Variants in MSH4 observed in about 807,000 individuals in gnomAD.
The protein encoded by MSH4 is mutS homolog 4.
A neutral mutation model predicts 113.7 loss-of-function variants in MSH4; 106 were observed. The observed-to-expected ratio is 0.93, with a 90% CI of 0.80 to 1.10. The LOEUF (loss-of-function observed/expected upper bound fraction) is 1.10. Ranked by LOEUF, MSH4 falls within the 50% of genes least tolerant of loss-of-function variation. The probability of loss-of-function intolerance (pLI) is 0.00; values close to 1 mark genes in which losing one functional copy is unlikely to be tolerated. For synonymous variants in MSH4, 368 were observed against 380.2 expected (o/e 0.97, Z 0.37); for missense variants, 1,061 against 1,093.7 (o/e 0.97, Z 0.42).
At chr1:75,819,005 A>T (rs1650350450) in intron 6 of MSH4, among the ~76,000 whole-genome samples, 2 of 151,800 alleles carry the variant, frequency 1.3e-5, no homozygotes, top group South Asian at 4.2e-4. Flanking sequence ...TGACCTCATG[A>T]TCCACCCGCC....
At position 75,866,677 on chromosome 1, in the gene MSH4, G is replaced by A. The variant is rs142404811; in HGVS notation, c.1231-837G>A. Among the ~76,000 whole-genome samples the A allele has an allele frequency of 2.9e-3, 439 of 151,980 alleles. 5 individuals are homozygous for A. Among genetic ancestry groups the A allele is most frequent in the African/African-American group, 0.01 (424 of 41,460 alleles). ...ATTGTGCAGTGGGGCTATAGACCAC[G>A]GTACCTCAAAAAGAAACATCTGGCT... is the stretch of plus-strand genomic sequence containing the variant. On this transcript the variant is annotated intron_variant, in intron 8 of 19. Transcript: ENST00000263187.
At position 75,882,603 on chromosome 1, in the gene MSH4, C is replaced by T. The variant is rs574194743; in HGVS notation, c.1907-1018C>T. ...TATTTGATTTTATTCTATAATCATA[C>T]CTCAACTTATGAGCTAGGTGTTTGA... On this transcript the variant is annotated intron_variant, in intron 14 of 19. Transcript: ENST00000263187. Among the ~76,000 whole-genome samples the T allele has an allele frequency of 2.1e-4, 32 of 149,638 alleles. 1 individual carries two copies. The South Asian group carries it at 6.5e-3, about 31-fold the overall frequency.
intron 19 of MSH4, among the ~76,000 whole-genome samples, chr1:75,907,775 G>A (rs1304798350): frequency 3.8e-5 from 5 of 133,326 alleles, no homozygotes; most frequent in Admixed American, 1.6e-4. Flanking sequence ...TTTTCCCTCT[G>A]ACTATATCTT....
intron 7 of MSH4, among the ~76,000 whole-genome samples, chr1:75,837,916 C>T (rs942739429): frequency 6.6e-6 from 1 of 152,160 alleles, no homozygotes; most frequent in Non-Finnish European, 1.5e-5. Context: ...CATCTCATTT[C>T]TTATAAGAGC....
chr1:75,896,346 AACACACACACACACACACACAC>A lies in MSH4; in HGVS notation c.2356-1534_2356-1513del, dbSNP rs4035039. On this transcript the variant is annotated intron_variant, in intron 17 of 19. Transcript: ENST00000263187. ...ATAATAAATCTCTTTACACACATAC[AACACACACACACACACACACAC>A]ACACACACACACACACACACACACA... Among the ~76,000 whole-genome samples the A allele has an allele frequency of 8.2e-3, 1,128 of 137,284 alleles. 11 individuals carry two copies. The highest frequency in any genetic ancestry group is 0.028 in the African/African-American group (1,062 of 37,960). The allele number at this position is 137,284 out of a possible 152,430, so 90.1% of individuals were successfully genotyped here.
chr1:75,899,369 G>A (rs1472635601), intron 18 of MSH4, among the ~76,000 whole-genome samples: 1 of 152,010 alleles, frequency 6.6e-6, no homozygotes, highest in Non-Finnish European at 1.5e-5. Flanking sequence ...TGATATCTCA[G>A]AGCTATATTG....
In MSH4 at chr1:75,865,392, A is replaced by G. The variant is rs534302211; in HGVS notation, c.1231-2122A>G. Reference sequence around the variant, plus strand: ...TCTTGATTGTACCCATGGAATTTTAATTTTAATTTATGAAGATGATTGAAT... The same window carrying G: ...TCTTGATTGTACCCATGGAATTTTAGTTTTAATTTATGAAGATGATTGAAT... On this transcript the variant is annotated intron_variant, in intron 8 of 19. Transcript: ENST00000263187. Among the ~76,000 whole-genome samples the G allele has an allele frequency of 8.5e-5, 13 of 152,216 alleles. No individual in the cohort carries two copies. In the South Asian group the frequency reaches 2.5e-3, roughly 29 times the overall value.
intron 17 of MSH4, among the ~76,000 whole-genome samples, chr1:75,896,394 C>CACACACATAT (rs571761055): frequency 2.0e-5 from 3 of 147,178 alleles, no homozygotes; most frequent in African/African-American, 7.5e-5. Flanking sequence ...CACACACACA[C>CACACACATAT]CCTATTGGTC....
At chr1:75,831,752 A>T (rs553718374) in intron 7 of MSH4, among the ~76,000 whole-genome samples, 118 of 152,346 alleles carry the variant, frequency 7.7e-4, no homozygotes, top group African/African-American at 2.6e-3. Flanking sequence ...ACAAAGACAA[A>T]ACATACCAGA....
intron 7 of MSH4, among the ~76,000 whole-genome samples, chr1:75,830,852 C>A (rs928707899): frequency 2.0e-5 from 3 of 152,154 alleles, no homozygotes; most frequent in African/African-American, 7.2e-5. Context: ...ATTGCAAAGA[C>A]CATCAATGCT....
At chr1:75,889,485 A>G in intron 16 of MSH4, 116 bp downstream of exon 16, 1 of 493,732 alleles carries the variant, frequency 2.0e-6, no homozygotes, top group Non-Finnish European at 3.7e-6. Context: ...ACCCTTTTCT[A>G]AGAGCCAGAG....
intron 8 of MSH4, among the ~76,000 whole-genome samples, chr1:75,866,042 T>C (rs1033477822): frequency 5.3e-5 from 8 of 152,218 alleles, no homozygotes; most frequent in African/African-American, 1.7e-4. Context: ...TTCTGTTCCA[T>C]TGGACTCTGT....
At chr1:75,840,322 C>T (rs5745388) in intron 7 of MSH4, among the ~76,000 whole-genome samples, 52,649 of 128,786 alleles carry the variant, frequency 0.41, 11,399 homozygotes, top group East Asian at 0.94. Flanking sequence ...ATATACACCA[C>T]GGAATACTGT....
Position 75,822,422 on chromosome 1 carries a change from C to A in MSH4, c.1003C>A (p.Leu335Ile). Residue 335 changes from leucine (L) to isoleucine (I), a missense_variant, in exon 7 of 20, where the codon CTC (leucine) becomes ATC (isoleucine). Transcript: ENST00000263187. ...NNQDYRNNHT[L>I]FGVLNYTKTP... ...GTGTTTTGAAAGGAATAATCACACTCTCTTTGGTGTTCTAAATTATACTAA... is the reference window on the plus strand; with the variant it reads ...GTGTTTTGAAAGGAATAATCACACTATCTTTGGTGTTCTAAATTATACTAA... 6.4e-7 allele frequency: 1 copy of A among 1,557,858 alleles called. No homozygotes were observed. The highest frequency in any genetic ancestry group is 8.6e-7 in the Non-Finnish European group (1 of 1,159,636).
In MSH4 at chr1:75,801,501, G is replaced by A. The variant is rs183034242; in HGVS notation, c.245-2230G>A. Among the ~76,000 whole-genome samples, 3 of 151,068 alleles carry A rather than the reference G, an allele frequency of 2.0e-5. No homozygotes were observed. The East Asian group carries it at 5.9e-4, about 29-fold the overall frequency. ...GAGGATTGCTTGAACCTGGGAGGCA[G>A]AGGCTGCAGTGAGCTGAGATTGCGC... On this transcript the variant is annotated intron_variant, in intron 1 of 19. Transcript: ENST00000263187.
chr1:75,902,710 TA>T (rs1652534765), intron 19 of MSH4, among the ~76,000 whole-genome samples: 1 of 44,002 alleles, frequency 2.3e-5, no homozygotes, highest in Non-Finnish European at 4.5e-5. Context: ...TATATATATA[TA>T]TATATATATA....
intron 1 of MSH4, among the ~76,000 whole-genome samples, chr1:75,800,493 A>T (rs1439794356): frequency 6.6e-6 from 1 of 152,186 alleles, no homozygotes; most frequent in Non-Finnish European, 1.5e-5. Flanking sequence ...ACTGGAAGCA[A>T]GGAGAAGAAG....
intron 8 of MSH4, among the ~76,000 whole-genome samples, chr1:75,861,518 G>A (rs748674966): frequency 1.3e-5 from 2 of 152,258 alleles, no homozygotes; most frequent in Admixed American, 1.3e-4. Context: ...TAACAGACAG[G>A]CCACTCAGCT....
At position 75,879,115 on chromosome 1, in the gene MSH4, C is replaced by T. The variant is rs1311997761; in HGVS notation, c.1664C>T (p.Ser555Leu). 1 of 1,610,184 alleles carries T rather than the reference C, an allele frequency of 6.2e-7. No individual in the cohort carries two copies. The highest frequency in any genetic ancestry group is 1.1e-5 in the South Asian group (1 of 90,880). The change falls in exon 12 of 20, where the codon TCA (serine) becomes TTA (leucine). Residue 555 changes from serine to leucine, a missense_variant. Ser to Leu is a moderately radical substitution (Grantham distance 145). Coordinates refer to ENST00000263187, the MANE Select transcript of MSH4 (RefSeq NM_002440.4). ...CIALPSDQLP[S>L]EFIKISKVKN... The stretch of plus-strand genomic sequence containing the variant: ...GCCCTACCTAGTGATCAACTTCCTT[C>T]AGAATTTATTAAGGTTCATTTTAGA...
Sources: allele counts gnomAD v4.1 joint callset (sites outside exome capture counted in the v4.1 genomes callset), GRCh38; gene constraint gnomAD v4.1.1; transcripts MANE v1.5; gene names NCBI Gene and HGNC (gene_info 2026-07-23, HGNC 2026-07-21).